BAZ1B: variants seen among roughly 807,000 people sequenced by gnomAD.
The protein encoded by BAZ1B is tyrosine-protein kinase BAZ1B.
BAZ1B carries 22 observed loss-of-function variants against 153.8 expected under a neutral mutation model. The observed-to-expected ratio is 0.14, with a 90% confidence interval of 0.10 to 0.20. BAZ1B has a LOEUF of 0.20. BAZ1B is among the 10% of genes least tolerant of loss of function. The pLI, the probability that BAZ1B is intolerant of heterozygous loss-of-function variation, is 1.00. For synonymous variants in BAZ1B, 676 were observed against 633.4 expected (o/e 1.07, Z -1.01); for missense variants, 1,325 against 1,799.3 (o/e 0.74, Z 4.77).
intron 9 of BAZ1B, among the ~76,000 whole-genome samples, chr7:73,468,294 G>A (rs1788669521): frequency 2.0e-5 from 3 of 152,122 alleles, no homozygotes; most frequent in Admixed American, 2.0e-4. Context: ...GCAGGATTTA[G>A]AGACATACTT....
rs1787568393 is a variant in BAZ1B, at chr7:73,440,500, A to AC, written c.*1208_*1209insG. 7.0e-6 allele frequency: 1 copy of AC among 142,400 alleles called. No individual in the cohort carries two copies. Among genetic ancestry groups the AC allele is most frequent in the African/African-American group, 2.7e-5 (1 of 36,712 alleles). The allele number at this position is 142,400 out of a possible 1,614,324, so 8.8% of individuals were successfully genotyped here. On this transcript the variant is annotated 3_prime_UTR_variant, in exon 20 of 20. Coordinates refer to ENST00000339594, the MANE Select transcript of BAZ1B (RefSeq NM_032408.4). The stretch of plus-strand genomic sequence containing the variant: ...ATGGGGCCCTTCCTCTTTGAAGACA[A>AC]TAAAAAAAAAAAACAACAACAAACA...
intron 1 of BAZ1B, among the ~76,000 whole-genome samples, chr7:73,520,756 C>CT (rs1416622423): frequency 1.3e-5 from 2 of 152,196 alleles, no homozygotes; most frequent in African/African-American, 2.4e-5. Flanking sequence ...TGAAATAACT[C>CT]TGAGAGACAC....
At chr7:73,454,133 T>TATAAATAAATAAATAAATAAATAA (rs71300785) in intron 13 of BAZ1B, among the ~76,000 whole-genome samples, 8 of 146,874 alleles carry the variant, frequency 5.4e-5, no homozygotes, top group African/African-American at 1.8e-4. Context: ...ACCCCTTCTC[T>TATAAATAAATAAATAAATAAATAA]ATAAATAAAT....
intron 6 of BAZ1B, among the ~76,000 whole-genome samples, chr7:73,484,880 A>G (rs1357471573): frequency 6.6e-6 from 1 of 152,236 alleles, no homozygotes; most frequent in African/African-American, 2.4e-5. Flanking sequence ...ACTGTCCCAG[A>G]TTAGAAGAGA....
intron 17 of BAZ1B, 21 bp from the exon 18 acceptor site, chr7:73,442,849 A>G (rs541118115): frequency 1.3e-6 from 2 of 1,568,524 alleles, no homozygotes; most frequent in East Asian, 2.2e-5. Flanking sequence ...AGAAAGAACA[A>G]TGTTATTACA....
At chr7:73,449,741 T>C (rs1787966400) in intron 14 of BAZ1B, 52 bp from the exon 15 acceptor site, 1 of 1,588,430 alleles carries the variant, frequency 6.3e-7, no homozygotes, top group African/African-American at 1.3e-5. Context: ...CAGCAGTCAA[T>C]GAGCTGTAAG....
intron 3 of BAZ1B, among the ~76,000 whole-genome samples, chr7:73,502,858 C>T (rs1790190945): frequency 1.3e-5 from 2 of 152,188 alleles, no homozygotes; most frequent in African/African-American, 4.8e-5. Context: ...CTCCTCTCCT[C>T]CTGACAGTGA....
chr7:73,445,118 C>T (rs1787783400), intron 16 of BAZ1B, among the ~76,000 whole-genome samples: 1 of 152,162 alleles, frequency 6.6e-6, no homozygotes, highest in South Asian at 2.1e-4. Flanking sequence ...TGGCATTCCT[C>T]AGTGAGCCCT....
chr7:73,494,197 C>T (rs1789778900), intron 4 of BAZ1B, among the ~76,000 whole-genome samples: 1 of 151,970 alleles, frequency 6.6e-6, no homozygotes, highest in Non-Finnish European at 1.5e-5. Flanking sequence ...GCCTGGCCAG[C>T]ATGGTGAAAC....
chr7:73,505,409 T>C (rs539754871), intron 3 of BAZ1B, among the ~76,000 whole-genome samples: 1 of 152,288 alleles, frequency 6.6e-6, no homozygotes, highest in Non-Finnish European at 1.5e-5. Context: ...TATACCAAAC[T>C]TGGAACTATC....
chr7:73,472,280 C>CA (rs1554572110), intron 7 of BAZ1B, among the ~76,000 whole-genome samples: 1 of 150,098 alleles, frequency 6.7e-6, no homozygotes, highest in Non-Finnish European at 1.5e-5. Context: ...TTTTTTGAGA[C>CA]AGAGTTTCTC....
rs782386847 is a variant in BAZ1B, at chr7:73,469,554, G to T, written c.2829C>A (p.Asp943Glu). 11 of 1,614,192 alleles carry T rather than the reference G, an allele frequency of 6.8e-6. No homozygotes were observed. In the South Asian group the frequency reaches 1.1e-4, roughly 16 times the overall value. ...AATCCTCATCACCAGAGACTGTGTG[G>T]TCTTTGCAGTGATGGTTGAATCGGT... is the stretch of plus-strand genomic sequence containing the variant. ...IDYRFNHHCK[D>E]HTVSGDEDYC... The change falls in exon 9 of 20, where the codon GAC becomes GAA. Residue 943 changes from aspartate to glutamate, a missense_variant. Physicochemically the swap from Asp to Glu is conservative, Grantham distance 45. This residue lies in a region of BAZ1B where 431 missense variants were observed against 563.5 expected (regional missense o/e 0.76). Transcript: ENST00000339594.
chr7:73,506,786 G>A (rs1292124344), intron 3 of BAZ1B, among the ~76,000 whole-genome samples: 1 of 141,742 alleles, frequency 7.1e-6, no homozygotes, highest in African/African-American at 2.6e-5. Flanking sequence ...GGGAGGCGGA[G>A]GTTGCAGTGA....
intron 1 of BAZ1B, among the ~76,000 whole-genome samples, chr7:73,515,880 C>T (rs528398599): frequency 3.5e-4 from 54 of 152,244 alleles, no homozygotes; most frequent in African/African-American, 1.2e-3. Flanking sequence ...TGTGGTGGCT[C>T]ACGCCTGTAA....
intron 13 of BAZ1B, among the ~76,000 whole-genome samples, chr7:73,458,474 G>A (rs562372267): frequency 3.9e-5 from 6 of 151,978 alleles, no homozygotes; most frequent in Non-Finnish European, 7.4e-5. Context: ...TCAGGAGTTC[G>A]AGACCAACCT....
In BAZ1B at chr7:73,442,309, G is replaced by A. The variant is rs2116207779; in HGVS notation, c.4339C>T (p.His1447Tyr). 3 of 1,614,172 alleles carry A rather than the reference G, an allele frequency of 1.9e-6. No homozygotes were observed. The highest frequency in any genetic ancestry group is 8.5e-7 in the Non-Finnish European group (1 of 1,180,038). The change falls in exon 19 of 20, where the codon CAC becomes TAC. Residue 1447 changes from histidine to tyrosine, a missense_variant. Transcript: ENST00000339594. Reference protein sequence around the residue: ...VALLHKHLPGHPYVRRKRKKF... With the variant: ...VALLHKHLPGYPYVRRKRKKF... ...TTGCGCTTCCTGCGGACATATGGGTGGCCAGGAAGGTGTTTATGCAACAGA... is the reference window on the plus strand; with the variant it reads ...TTGCGCTTCCTGCGGACATATGGGTAGCCAGGAAGGTGTTTATGCAACAGA...
chr7:73,489,046 A>C (rs1789530571), intron 6 of BAZ1B, 148 bp downstream of exon 6: 3 of 725,168 alleles, frequency 4.1e-6, no homozygotes, highest in Non-Finnish European at 6.6e-6. Flanking sequence ...CTCACATAAC[A>C]ACCTGTATGT....
intron 13 of BAZ1B, among the ~76,000 whole-genome samples, chr7:73,455,075 C>T (rs1554569354): frequency 1.3e-5 from 2 of 151,270 alleles, no homozygotes; most frequent in East Asian, 1.9e-4. Flanking sequence ...TTAGAAGAGA[C>T]CGGTTTTCAC....
chr7:73,472,900 G>T (rs1413070279), intron 7 of BAZ1B, among the ~76,000 whole-genome samples: 1 of 150,302 alleles, frequency 6.7e-6, no homozygotes, highest in Non-Finnish European at 1.5e-5. Flanking sequence ...GGAATTATAG[G>T]CCGAGTAGCT....
Sources: gnomAD v4.1 joint callset for allele counts (sites outside exome capture counted in the v4.1 genomes callset) on GRCh38, gnomAD v4.1.1 for gene constraint, gnomAD v4.1.1 regional missense constraint, MANE v1.5 for transcripts, NCBI Gene and HGNC (gene_info 2026-07-23, HGNC 2026-07-21) for gene names.